CYFIP1: variants seen among roughly 807,000 people sequenced by gnomAD.
CYFIP1 encodes the protein cytoplasmic FMR1 interacting protein 1, also known as cytoplasmic FMR1-interacting protein 1.
A neutral mutation model predicts 163.5 loss-of-function variants in CYFIP1; 58 were observed. The observed-to-expected ratio is 0.35, with a 90% CI of 0.29 to 0.44. The LOEUF is 0.44. CYFIP1 is among the 20% of genes least tolerant of loss of function. The pLI is 1.00. For synonymous variants in CYFIP1, 663 were observed against 660.7 expected, an observed-to-expected ratio of 1.00 and a Z score of -0.05; for missense variants, 1,338 against 1,653.8, an observed-to-expected ratio of 0.81 and a Z score of 3.31.
Position 22,903,071 on chromosome 15 carries a change from T to G in CYFIP1, c.2588+635A>C, listed in dbSNP as rs572070023. Among the ~76,000 whole-genome samples the G allele has an allele frequency of 4.0e-4, 61 of 152,288 alleles. 3 individuals carry two copies. In the South Asian group the frequency reaches 9.3e-3, roughly 23 times the overall value. On this transcript the variant is annotated intron_variant, in intron 22 of 30. Coordinates refer to ENST00000617928, the MANE Select transcript of CYFIP1 (RefSeq NM_014608.6). ...GCACACACCTGCACTCCTCTACGTC[T>G]GGATGGAGCTCAGTGGCCAGGCACC...
chr15:22,869,188 A>C lies in CYFIP1; in HGVS notation c.*840T>G, dbSNP rs919834464. 6.6e-6 allele frequency: 1 copy of C among 152,280 alleles called. No homozygotes were observed. The highest frequency in any genetic ancestry group is 2.4e-5 in the African/African-American group (1 of 41,432). The allele number at this position is 152,280 out of a possible 1,614,324, so 9.4% of individuals were successfully genotyped here. ...TCCTCCCACATTGCTGGCTTCCTCC[A>C]GGTCATGGGCACAGGTAACAGAGAG... On this transcript the variant is annotated 3_prime_UTR_variant, in exon 31 of 31. Transcript: ENST00000617928.
chr15:22,904,429 C>G (rs72698060), intron 21 of CYFIP1: 28,008 of 170,762 alleles, frequency 0.16, 2,392 homozygotes, highest in East Asian at 0.31. Flanking sequence ...CAGCCGGGGC[C>G]GGAGCACAGC....
chr15:22,951,456 C>T (rs1362667874), intron 1 of CYFIP1: 1 of 1,289,472 alleles, frequency 7.8e-7, no homozygotes, highest in Non-Finnish European at 1.0e-6. Context: ...GGTGTCCACG[C>T]AGGCACCTCA....
At chr15:22,962,089 G>T (rs1402253651) in intron 1 of CYFIP1, among the ~76,000 whole-genome samples, 2 of 152,152 alleles carry the variant, frequency 1.3e-5, no homozygotes, top group African/African-American at 4.8e-5. Flanking sequence ...CAGTGTCAAG[G>T]CAGCACTACT....
At chr15:22,899,700 G>A (rs1595548028) in intron 22 of CYFIP1, among the ~76,000 whole-genome samples, 1 of 152,230 alleles carries the variant, frequency 6.6e-6, no homozygotes, top group African/African-American at 2.4e-5. Context: ...TCGGCAGTGT[G>A]AAAATGGACT....
intron 26 of CYFIP1, among the ~76,000 whole-genome samples, chr15:22,875,724 G>A (rs1219993800): frequency 6.6e-6 from 1 of 151,682 alleles, no homozygotes; most frequent in Non-Finnish European, 1.5e-5. Context: ...AAACAACACA[G>A]GAGATGGAAG....
intron 9 of CYFIP1, 127 bp downstream of exon 9, chr15:22,936,977 A>G (rs2142266004): frequency 1.5e-6 from 1 of 667,712 alleles, no homozygotes; most frequent in East Asian, 2.7e-5. Context: ...GAGAACGTGC[A>G]TGCCCCAGAC....
At chr15:22,915,566 T>C (rs564656251) in intron 16 of CYFIP1, among the ~76,000 whole-genome samples, 5 of 152,142 alleles carry the variant, frequency 3.3e-5, no homozygotes, top group African/African-American at 4.8e-5. Context: ...CTGGCCAACA[T>C]GGTAAAACCC....
intron 1 of CYFIP1, among the ~76,000 whole-genome samples, chr15:22,971,674 C>T (rs955144417): frequency 4.9e-5 from 7 of 141,598 alleles, no homozygotes; most frequent in African/African-American, 8.5e-5. Context: ...AAAACTCTGT[C>T]TCAAAAAAAA....
chr15:22,882,769 G>T, intron 24 of CYFIP1, 99 bp downstream of exon 24: 1 of 1,383,958 alleles, frequency 7.2e-7, no homozygotes, highest in Non-Finnish European at 9.9e-7. Flanking sequence ...AACGAATCCA[G>T]CTGTTGGAGA....
At chr15:22,945,067 C>T (rs151115071) in intron 3 of CYFIP1, 128 bp from the exon 4 acceptor site, 21 of 899,634 alleles carry the variant, frequency 2.3e-5, no homozygotes, top group East Asian at 1.2e-4. Context: ...TGCCAAGAGA[C>T]GGCTGCCAGA....
chr15:22,913,668 G>C (rs1255089945), intron 17 of CYFIP1, among the ~76,000 whole-genome samples: 2 of 142,786 alleles, frequency 1.4e-5, no homozygotes, highest in African/African-American at 2.6e-5. Context: ...CTCACCAGGA[G>C]CATGTCCAGC....
Position 22,909,199 on chromosome 15 carries a change from T to C in CYFIP1, c.2383A>G (p.Ile795Val), listed in dbSNP as rs142727980. 9,211 of 1,614,092 alleles carry C rather than the reference T, an allele frequency of 5.7e-3. 62 individuals carry two copies. The highest frequency in any genetic ancestry group is 0.012 in the South Asian group (1,089 of 91,082). The change falls in exon 21 of 31, where the codon ATA (isoleucine) becomes GTA (valine). Residue 795 changes from isoleucine to valine, a missense_variant. Transcript: ENST00000617928. ...GRFESEDLTSIVELDGLLEIN... is the reference protein window; with the variant it reads ...GRFESEDLTSVVELDGLLEIN... ...GGCAAAGTGAAATTACTTACAACTA[T>C]GGAGGTCAAATCTTCACTTTCAAAT...
rs900120258 is a variant in CYFIP1 at position 22,869,239 on chromosome 15, G to C, written c.*789C>G. On this transcript the variant is annotated 3_prime_UTR_variant, in exon 31 of 31. Transcript: ENST00000617928. ...GCACTGAGTAGCCTCTTCATATCCAGATTGGAGCAGCCAACACGGCCGTTT... is the reference window on the plus strand; with the variant it reads ...GCACTGAGTAGCCTCTTCATATCCACATTGGAGCAGCCAACACGGCCGTTT... 2 of 152,188 alleles carry C rather than the reference G, an allele frequency of 1.3e-5. No homozygotes were observed. The highest frequency in any genetic ancestry group is 2.9e-5 in the Non-Finnish European group (2 of 68,076). 9.4% of individuals were successfully genotyped at this position (152,188 alleles called of 1,614,324 possible). A position where few individuals can be genotyped will look rare whatever the true frequency, so the allele number is the denominator to read the frequency against.
In CYFIP1 at chr15:22,933,587, T is replaced by A. The variant is rs554516909; in HGVS notation, c.992+215A>T. ...CCTCGGCCTCCCAAAGTGCTGGGAT[T>A]ACAGGCGTGAGCCACCGCGCCCGGC... On this transcript the variant is annotated intron_variant, in intron 10 of 30. Coordinates refer to ENST00000617928, the MANE Select transcript of CYFIP1 (RefSeq NM_014608.6). Among the ~76,000 whole-genome samples, 38 of 152,342 alleles carry A rather than the reference T, an allele frequency of 2.5e-4. No individual in the cohort carries two copies. In the East Asian group the frequency reaches 7.3e-3, roughly 29 times the overall value.
chr15:22,883,421 C>A lies in CYFIP1; in HGVS notation c.2677-410G>T, dbSNP rs1033235575. ...GGCACCCCCGGAGCCGGGAGAGAGA[C>A]CCCTGTGGAGTGGGAAGGCGAGGAA... On this transcript the variant is annotated intron_variant, in intron 23 of 30. Transcript: ENST00000617928. Among the ~76,000 whole-genome samples, 3 of 152,142 alleles carry A rather than the reference C, an allele frequency of 2.0e-5. No homozygotes were observed. In the South Asian group the frequency reaches 6.2e-4, roughly 32 times the overall value.
intron 30 of CYFIP1, among the ~76,000 whole-genome samples, chr15:22,871,464 G>T (rs1364222344): frequency 6.6e-6 from 1 of 152,192 alleles, no homozygotes; most frequent in Admixed American, 6.5e-5. Context: ...TAAGACACAT[G>T]AATACAGTAT....
rs76143712 is a variant in CYFIP1, at chr15:22,951,780, C to T, written c.-6-4489G>A. ...CTGCCCAGGAGAGGCCAAGATGACC[C>T]CATGGTGGAGGAAGGTGGGGAGGGG... On this transcript the variant is annotated intron_variant, in intron 1 of 30. Coordinates refer to ENST00000617928, the MANE Select transcript of CYFIP1 (RefSeq NM_014608.6). Among the ~76,000 whole-genome samples the T allele has an allele frequency of 1.9e-4, 29 of 152,298 alleles. No homozygotes were observed. The East Asian group carries it at 5.6e-3, about 29-fold the overall frequency.
chr15:22,883,526 A>G (rs1038992661), intron 23 of CYFIP1, among the ~76,000 whole-genome samples: 5 of 152,200 alleles, frequency 3.3e-5, no homozygotes, highest in African/African-American at 4.8e-5. Flanking sequence ...TTTAAAAAAA[A>G]GCAGGTTTAG....
Sources: allele counts gnomAD v4.1 joint callset (sites outside exome capture counted in the v4.1 genomes callset), GRCh38; gene constraint gnomAD v4.1.1; transcripts MANE v1.5; gene names NCBI Gene and HGNC (gene_info 2026-07-23, HGNC 2026-07-21).